Variants in ACVR1 observed in about 807,000 individuals in gnomAD.
ACVR1 encodes the protein activin receptor type-1.
Under a neutral mutation model 57.1 loss-of-function variants are expected in ACVR1, and 38 were observed. That is an observed-to-expected ratio of 0.67 (90% CI 0.51 to 0.87). The LOEUF is 0.87. Ranked by LOEUF, ACVR1 falls within the 40% of genes least tolerant of loss-of-function variation. The pLI is 0.00. For synonymous variants in ACVR1, 212 were observed against 228.1 expected (o/e 0.93, Z 0.63); for missense variants, 463 against 638.2 (o/e 0.73, Z 2.96).
chr2:157,864,948 T>A (rs908882166), intron 1 of ACVR1, among the ~76,000 whole-genome samples: 7 of 140,700 alleles, frequency 5.0e-5, no homozygotes, highest in Admixed American at 3.5e-4. Flanking sequence ...CTCACCATAT[T>A]TTTTTTTTTT....
At chr2:157,749,673 C>G (rs990374462) in intron 9 of ACVR1, among the ~76,000 whole-genome samples, 2 of 152,150 alleles carry the variant, frequency 1.3e-5, no homozygotes, top group African/African-American at 2.4e-5. Flanking sequence ...CGGACCAGTC[C>G]ACCTACTATC....
At chr2:157,754,564 T>C (rs957824772) in intron 9 of ACVR1, among the ~76,000 whole-genome samples, 1 of 152,202 alleles carries the variant, frequency 6.6e-6, no homozygotes, top group Non-Finnish European at 1.5e-5. Flanking sequence ...CAGGAAGAAT[T>C]AGAAACTCTG....
At chr2:157,741,775 TG>T (rs1267288151) in intron 9 of ACVR1, among the ~76,000 whole-genome samples, 5 of 152,118 alleles carry the variant, frequency 3.3e-5, no homozygotes, top group African/African-American at 9.6e-5. Context: ...CAGTGGCACT[TG>T]GCAGGGCTCA....
chr2:157,867,629 C>T (rs191062964), intron 1 of ACVR1, among the ~76,000 whole-genome samples: 231 of 151,362 alleles, frequency 1.5e-3, no homozygotes, highest in Admixed American at 2.6e-3. Flanking sequence ...CTGGACATTT[C>T]GATTTTTTTT....
chr2:157,836,048 T>C (rs1253745993), intron 1 of ACVR1, among the ~76,000 whole-genome samples: 1 of 152,160 alleles, frequency 6.6e-6, no homozygotes. Flanking sequence ...TTTAAACATA[T>C]AAAATTAACA....
intron 9 of ACVR1, among the ~76,000 whole-genome samples, chr2:157,757,010 T>G (rs146323009): frequency 0.014 from 1,877 of 134,016 alleles, 18 homozygotes; most frequent in Non-Finnish European, 0.022. Context: ...ATTTGAGATA[T>G]ATATATATTT....
At chr2:157,788,236 C>T (rs537657104) in intron 3 of ACVR1, among the ~76,000 whole-genome samples, 4 of 152,174 alleles carry the variant, frequency 2.6e-5, no homozygotes, top group Non-Finnish European at 5.9e-5. Flanking sequence ...CCCCCTTATG[C>T]ACCGTTTCAC....
chr2:157,752,144 C>T (rs912170668), intron 9 of ACVR1, among the ~76,000 whole-genome samples: 10 of 152,166 alleles, frequency 6.6e-5, no homozygotes, highest in African/African-American at 2.4e-4. Context: ...TGTGCAGACA[C>T]CCCCCAATAC....
chr2:157,823,207 G>C (rs1688218547), intron 1 of ACVR1, among the ~76,000 whole-genome samples: 1 of 152,156 alleles, frequency 6.6e-6, no homozygotes, highest in Admixed American at 6.5e-5. Context: ...TCCTGTTCTT[G>C]CTTTCAACTT....
intron 7 of ACVR1, among the ~76,000 whole-genome samples, chr2:157,767,326 G>A (rs1447151506): frequency 2.6e-5 from 4 of 152,132 alleles, no homozygotes; most frequent in Admixed American, 1.3e-4. Context: ...GAGACATCGC[G>A]ATCAGCCCGG....
chr2:157,810,030 C>T (rs559602620), intron 2 of ACVR1, among the ~76,000 whole-genome samples: 9 of 152,248 alleles, frequency 5.9e-5, no homozygotes, highest in African/African-American at 1.9e-4. Flanking sequence ...GAGCTATGAT[C>T]ATGCCACTGT....
rs371566256 is a variant in ACVR1 at position 157,853,522 on chromosome 2, G to A, written c.-183+22274C>T. Among the ~76,000 whole-genome samples the A allele has an allele frequency of 7.4e-4, 113 of 152,278 alleles. No homozygotes were observed. In the South Asian group the frequency reaches 0.02, roughly 27 times the overall value. On this transcript the variant is annotated intron_variant, in intron 1 of 10. Coordinates refer to ENST00000434821, the MANE Select transcript of ACVR1 (RefSeq NM_001111067.4). The stretch of plus-strand genomic sequence containing the variant: ...AGGGTTTCAGCACATCAATTGGGAA[G>A]GACAAAATTCAGTCTAAAGCTCAGA...
Position 157,770,485 on chromosome 2 carries a change from C to T in ACVR1, c.673G>A (p.Gly225Ser). 4 of 1,614,014 alleles carry T rather than the reference C, an allele frequency of 2.5e-6. No homozygotes were observed. Among genetic ancestry groups the T allele is most frequent in the Non-Finnish European group, 3.4e-6 (4 of 1,179,946 alleles). The change falls in exon 7 of 11, where the codon GGC (glycine) becomes AGC (serine). Residue 225 changes from glycine (G) to serine (S), a missense_variant. By Grantham distance (56) the Gly-to-Ser change is moderately conservative. Around this residue, in one of 3 missense-constraint regions of ACVR1, gnomAD observed 114 missense variants for 216.2 expected, o/e 0.53. Transcript: ENST00000434821. ...GKGRYGEVWR[G>S]SWQGENVAVK... ...GCAACATTCTCCCCTTGCCAGCTGC[C>T]CCTCCACACCTCACCATACCTGCCT... is the stretch of plus-strand genomic sequence containing the variant.
At position 157,780,329 on chromosome 2, in the gene ACVR1, A is replaced by G. The variant is rs756800760; in HGVS notation, c.331+8T>C. 1 of 1,614,062 alleles carries G rather than the reference A, an allele frequency of 6.2e-7. No homozygotes were observed. The highest frequency in any genetic ancestry group is 8.5e-7 in the Non-Finnish European group (1 of 1,180,024). On this transcript the variant is annotated splice_region_variant and intron_variant, in intron 4 of 10. Transcript: ENST00000434821. The stretch of plus-strand genomic sequence containing the variant: ...CCTTGATCTAGAAATAGAAAAGTCC[A>G]TGGGAACCTTTAGTGGGCAGCTGGG...
chr2:157,857,108 G>A (rs749361728), intron 1 of ACVR1, among the ~76,000 whole-genome samples: 2 of 152,128 alleles, frequency 1.3e-5, no homozygotes, highest in Non-Finnish European at 2.9e-5. Context: ...TGAAGTGGGA[G>A]GATCACCTGA....
intron 2 of ACVR1, among the ~76,000 whole-genome samples, chr2:157,816,385 A>G (rs117847024): frequency 0.011 from 1,735 of 151,542 alleles, 54 homozygotes; most frequent in East Asian, 0.099. Flanking sequence ...GCAGTTCAAC[A>G]CCAGCCTGGG....
intron 6 of ACVR1, among the ~76,000 whole-genome samples, chr2:157,771,034 T>C (rs1178716162): frequency 6.6e-6 from 1 of 152,168 alleles, no homozygotes; most frequent in African/African-American, 2.4e-5. Context: ...AGGAGAACAA[T>C]TAAGTTTAAA....
chr2:157,802,196 T>C (rs979812470), intron 2 of ACVR1, among the ~76,000 whole-genome samples: 1 of 151,952 alleles, frequency 6.6e-6, no homozygotes, highest in Non-Finnish European at 1.5e-5. Flanking sequence ...GGTAAGTGTG[T>C]TGGGAGGTGT....
chr2:157,822,745 G>C (rs1688203576), intron 1 of ACVR1, among the ~76,000 whole-genome samples: 1 of 152,192 alleles, frequency 6.6e-6, no homozygotes, highest in Non-Finnish European at 1.5e-5. Context: ...TTCATTTTAA[G>C]TATAGTCTAT....
Sources: gnomAD v4.1 joint callset for allele counts (sites outside exome capture counted in the v4.1 genomes callset) on GRCh38, gnomAD v4.1.1 for gene constraint, gnomAD v4.1.1 regional missense constraint, MANE v1.5 for transcripts, NCBI Gene and HGNC (gene_info 2026-07-23, HGNC 2026-07-21) for gene names.